PXDNL: variants seen among roughly 807,000 people sequenced by gnomAD.
PXDNL encodes the protein probable oxidoreductase PXDNL.
Under a neutral mutation model 150.8 loss-of-function variants are expected in PXDNL, and 145 were observed. The observed-to-expected ratio is 0.96, with a 90% CI of 0.84 to 1.10. The LOEUF (loss-of-function observed/expected upper bound fraction) is 1.10, where lower values mean the gene tolerates loss of function less well. PXDNL is among the 50% of genes least tolerant of loss of function. PXDNL has a pLI of 0.00. For synonymous variants in PXDNL, 757 were observed against 725.7 expected, an observed-to-expected ratio of 1.04 and a Z score of -0.69; for missense variants, 2,087 against 1,873.9, an observed-to-expected ratio of 1.11 and a Z score of -2.10.
chr8:51,677,097 A>G (rs1815641591), intron 1 of PXDNL, among the ~76,000 whole-genome samples: 1 of 152,220 alleles, frequency 6.6e-6, no homozygotes, highest in Non-Finnish European at 1.5e-5. Flanking sequence ...AGAAGATGAA[A>G]GCCTACTGCT....
rs138146977 is a variant in PXDNL at position 51,745,674 on chromosome 8, G to T, written c.164+63507C>A. On this transcript the variant is annotated intron_variant, in intron 1 of 22. Coordinates refer to ENST00000356297, the MANE Select transcript of PXDNL (RefSeq NM_144651.5). ...TCCTCTAACCTTCCTACTCCTTCAG[G>T]TGCAGAGGCACAGGCACCCTGAGGT... Among the ~76,000 whole-genome samples the T allele has an allele frequency of 1.4e-3, 214 of 151,932 alleles. 1 individual carries two copies. The highest frequency in any genetic ancestry group is 4.9e-3 in the African/African-American group (205 of 41,416).
At chr8:51,387,201 T>C (rs1807744145) in intron 17 of PXDNL, among the ~76,000 whole-genome samples, 1 of 152,246 alleles carries the variant, frequency 6.6e-6, no homozygotes, top group Non-Finnish European at 1.5e-5. Context: ...TTAGACAACA[T>C]TCTAAACTGA....
At chr8:51,806,570 C>T (rs1383110165) in intron 1 of PXDNL, among the ~76,000 whole-genome samples, 1 of 152,158 alleles carries the variant, frequency 6.6e-6, no homozygotes, top group Non-Finnish European at 1.5e-5. Flanking sequence ...ACAGGCTTTA[C>T]ATATACTTCT....
chr8:51,333,800 G>C (rs1805761870), intron 21 of PXDNL, among the ~76,000 whole-genome samples: 1 of 152,054 alleles, frequency 6.6e-6, no homozygotes, highest in Non-Finnish European at 1.5e-5. Flanking sequence ...CCTAACACTG[G>C]AGCTCCCAAA....
chr8:51,703,836 A>C (rs181425209), intron 1 of PXDNL, among the ~76,000 whole-genome samples: 88 of 152,330 alleles, frequency 5.8e-4, no homozygotes, highest in African/African-American at 2.0e-3. Flanking sequence ...TTCACGCCAA[A>C]ATCTTTTCTT....
intron 6 of PXDNL, among the ~76,000 whole-genome samples, chr8:51,477,082 T>C (rs1810496087): frequency 2.6e-5 from 4 of 152,212 alleles, no homozygotes; most frequent in Admixed American, 2.6e-4. Flanking sequence ...TGTGCTATTC[T>C]CTGGATTTAG....
chr8:51,339,887 G>A, intron 20 of PXDNL, 134 bp from the exon 21 acceptor site: 1 of 789,354 alleles, frequency 1.3e-6, no homozygotes, highest in Non-Finnish European at 1.9e-6. Flanking sequence ...ATCTTAAAAG[G>A]AAAATGGTAT....
At chr8:51,456,426 A>C (rs555353582) in intron 9 of PXDNL, among the ~76,000 whole-genome samples, 3 of 152,174 alleles carry the variant, frequency 2.0e-5, no homozygotes, top group Non-Finnish European at 4.4e-5. Context: ...GACCTGAATG[A>C]ATGCAATCCT....
chr8:51,469,918 C>G (rs571425005), intron 8 of PXDNL, among the ~76,000 whole-genome samples: 1 of 152,110 alleles, frequency 6.6e-6, no homozygotes, highest in South Asian at 2.1e-4. Flanking sequence ...TTTACCCATA[C>G]TTTTCTTTAT....
chr8:51,700,336 TAC>T (rs1816229024), intron 1 of PXDNL, among the ~76,000 whole-genome samples: 1 of 151,464 alleles, frequency 6.6e-6, no homozygotes, highest in South Asian at 2.1e-4. Context: ...TACACACATA[TAC>T]ACACACATAC....
intron 1 of PXDNL, among the ~76,000 whole-genome samples, chr8:51,679,136 T>C (rs1158689458): frequency 6.6e-6 from 1 of 152,204 alleles, no homozygotes; most frequent in Non-Finnish European, 1.5e-5. Context: ...CTTTTCCCAT[T>C]CTAAAGTTAT....
At chr8:51,724,333 G>A (rs965591306) in intron 1 of PXDNL, among the ~76,000 whole-genome samples, 4 of 152,130 alleles carry the variant, frequency 2.6e-5, no homozygotes, top group African/African-American at 9.7e-5. Flanking sequence ...AGTAAGAGAT[G>A]TCATCAGAGG....
intron 10 of PXDNL, 87 bp downstream of exon 10, chr8:51,453,432 T>G (rs1490036118): frequency 3.9e-6 from 5 of 1,280,434 alleles, no homozygotes; most frequent in African/African-American, 1.5e-5. Flanking sequence ...ATTTCTCCAC[T>G]GATGTACATG....
intron 17 of PXDNL, among the ~76,000 whole-genome samples, chr8:51,400,097 C>T (rs1808201920): frequency 6.6e-6 from 1 of 152,146 alleles, no homozygotes; most frequent in Non-Finnish European, 1.5e-5. Flanking sequence ...TATCCCTTAT[C>T]CAGCTTGGGA....
At chr8:51,443,834 T>C (rs1400974583) in intron 12 of PXDNL, among the ~76,000 whole-genome samples, 1 of 152,222 alleles carries the variant, frequency 6.6e-6, no homozygotes, top group Non-Finnish European at 1.5e-5. Flanking sequence ...ATTTTTCAGA[T>C]AACTGTAAAC....
intron 1 of PXDNL, among the ~76,000 whole-genome samples, chr8:51,760,148 A>G (rs1436017483): frequency 6.6e-6 from 1 of 152,234 alleles, no homozygotes; most frequent in Non-Finnish European, 1.5e-5. Context: ...ATTGTCTGTC[A>G]AGACTAATTT....
intron 4 of PXDNL, among the ~76,000 whole-genome samples, chr8:51,540,978 A>C (rs1585563849): frequency 6.6e-6 from 1 of 151,640 alleles, no homozygotes; most frequent in East Asian, 1.9e-4. Context: ...TTGGACTTTC[A>C]GCTGGTTGCA....
chr8:51,381,681 T>G (rs1807552211), intron 17 of PXDNL, among the ~76,000 whole-genome samples: 1 of 150,816 alleles, frequency 6.6e-6, no homozygotes, highest in Non-Finnish European at 1.5e-5. Context: ...TGAGACAGAG[T>G]CTCACTCTGT....
At chr8:51,330,147 C>A (rs993353821) in intron 21 of PXDNL, among the ~76,000 whole-genome samples, 1 of 152,128 alleles carries the variant, frequency 6.6e-6, no homozygotes, top group Non-Finnish European at 1.5e-5. Context: ...CTTAGTCCAC[C>A]AATTCAAATG....
Sources: gnomAD v4.1 joint callset for allele counts (sites outside exome capture counted in the v4.1 genomes callset) on GRCh38, gnomAD v4.1.1 for gene constraint, MANE v1.5 for transcripts, NCBI Gene and HGNC (gene_info 2026-07-23, HGNC 2026-07-21) for gene names.